The following BOP1 variants were observed in gnomAD, a reference collection of about 807,000 sequenced individuals.
The protein encoded by BOP1 is BOP1 ribosomal biogenesis factor.
Under a neutral mutation model 82.9 loss-of-function variants are expected in BOP1, and 54 were observed. That is an observed-to-expected ratio of 0.65 (90% CI 0.52 to 0.82). The LOEUF is 0.82. Among genes scored for constraint, BOP1 ranks in the 40% least tolerant of loss-of-function variants. The pLI, the probability that BOP1 is intolerant of heterozygous loss-of-function variation, is 0.00. For synonymous variants in BOP1, 566 were observed against 451.1 expected, an observed-to-expected ratio of 1.25 and a Z score of -3.23; for missense variants, 1,170 against 1,072.0, an observed-to-expected ratio of 1.09 and a Z score of -1.28.
Position 144,266,807 on chromosome 8 carries a change from G to C in BOP1, c.391-1736C>G. 3.5e-6 allele frequency: 4 copies of C among 1,153,096 alleles called. No homozygotes were observed. In the South Asian group the frequency reaches 1.6e-4, roughly 45 times the overall value. 71.4% of individuals were successfully genotyped at this position (1,153,096 alleles called of 1,614,324 possible). On this transcript the variant is annotated intron_variant, in intron 3 of 15. Transcript: ENST00000569669. ...GGGGGCCGGCGGGCCGGGGGCGGGG[G>C]GCCAGGGGGCCGGCCAGGCCGTGAG... is the stretch of plus-strand genomic sequence containing the variant.
At position 144,264,510 on chromosome 8, in the gene BOP1, C is replaced by G. The variant is rs1845311495; in HGVS notation, c.765+5G>C. ...AGGCCAAGCCCCAGGGGCTGTGTGC[C>G]CCACCTTCTCCTTCTCCACCAGGGA... On this transcript the variant is annotated splice_donor_5th_base_variant and intron_variant, in intron 6 of 15. Coordinates refer to ENST00000569669, the MANE Select transcript of BOP1 (RefSeq NM_015201.5). 1 of 1,609,430 alleles carries G rather than the reference C, an allele frequency of 6.2e-7. No homozygotes were observed. The highest frequency in any genetic ancestry group is 8.5e-7 in the Non-Finnish European group (1 of 1,178,858).
At chr8:144,285,852 G>A (rs1554839411) in intron 2 of BOP1, among the ~76,000 whole-genome samples, 1 of 152,260 alleles carries the variant, frequency 6.6e-6, no homozygotes, top group Non-Finnish European at 1.5e-5. Flanking sequence ...GGAGGTGGCG[G>A]AGATACAGGC....
At chr8:144,268,423 T>C (rs1031506704) in intron 3 of BOP1, 31 of 572,072 alleles carry the variant, frequency 5.4e-5, no homozygotes, top group African/African-American at 2.8e-4. Flanking sequence ...GTGTTTTTGA[T>C]ATGATAATAT....
At chr8:144,284,964 G>A (rs372907603) in intron 2 of BOP1, among the ~76,000 whole-genome samples, 14 of 152,172 alleles carry the variant, frequency 9.2e-5, no homozygotes, top group African/African-American at 3.1e-4. Context: ...ACCCCCAGCA[G>A]TCACCGGGCT....
intron 5 of BOP1, 23 bp from the exon 6 acceptor site, chr8:144,264,639 G>A (rs1845315276): frequency 6.4e-7 from 1 of 1,574,756 alleles, no homozygotes; most frequent in Non-Finnish European, 8.6e-7. Context: ...ATGTGGGCGT[G>A]TGGGCCAGAG....
At chr8:144,267,094 C>A in intron 3 of BOP1, 1 of 1,397,924 alleles carries the variant, frequency 7.2e-7, no homozygotes, top group Non-Finnish European at 9.2e-7. Flanking sequence ...CCCCCCGCCG[C>A]CGCCCCCGCC....
intron 3 of BOP1, chr8:144,266,525 G>A (rs1180344497): frequency 1.1e-5 from 11 of 990,400 alleles, no homozygotes; most frequent in African/African-American, 1.8e-5. Flanking sequence ...CCCGCGCCTC[G>A]CCCCGGCCGG....
chr8:144,268,493 A>C (rs919926727), intron 3 of BOP1: 164 of 401,414 alleles, frequency 4.1e-4, no homozygotes, highest in African/African-American at 2.7e-3. Flanking sequence ...ATGGAGGCCA[A>C]CTGTCCTCAT....
rs1218270024 is a variant in BOP1, at chr8:144,266,274, G to C, written c.391-1203C>G. 2.0e-5 allele frequency among the ~76,000 whole-genome samples: 3 copies of C among 152,098 alleles called. No individual in the cohort carries two copies. The East Asian group carries it at 5.8e-4, about 29-fold the overall frequency. The stretch of plus-strand genomic sequence containing the variant: ...CTCCCAGTTCCTCCGCATCCCCAGA[G>C]ACGGAACGATGCCCCCAAAGACCAG... On this transcript the variant is annotated intron_variant, in intron 3 of 15. Coordinates refer to ENST00000569669, the MANE Select transcript of BOP1 (RefSeq NM_015201.5).
chr8:144,276,819 A>G (rs1845574169), intron 2 of BOP1, among the ~76,000 whole-genome samples: 1 of 151,982 alleles, frequency 6.6e-6, no homozygotes, highest in Non-Finnish European at 1.5e-5. Context: ...GGGGACACAC[A>G]TTGTCCACCC....
Position 144,263,970 on chromosome 8 carries a change from C to A in BOP1, c.1140+11G>T. On this transcript the variant is annotated intron_variant, in intron 8 of 15. Coordinates refer to ENST00000569669, the MANE Select transcript of BOP1 (RefSeq NM_015201.5). ...CCTGTGCCACCCCCCTGGTGTGCCA[C>A]CCCCACACACCCTCATCTTGCGCTG... The A allele has an allele frequency of 6.2e-7, 1 of 1,610,662 alleles. No individual in the cohort carries two copies. The highest frequency in any genetic ancestry group is 1.1e-5 in the South Asian group (1 of 91,010).
At chr8:144,265,403 G>A (rs1040855364) in intron 3 of BOP1, 26 of 457,882 alleles carry the variant, frequency 5.7e-5, no homozygotes, top group East Asian at 1.2e-4. Flanking sequence ...CATCACCCAC[G>A]GGCTCCCTCC....
intron 3 of BOP1, among the ~76,000 whole-genome samples, chr8:144,270,655 C>T (rs1272952985): frequency 1.3e-5 from 2 of 152,212 alleles, no homozygotes; most frequent in South Asian, 2.1e-4. Flanking sequence ...CCGGGGGTGG[C>T]GTGGGCTGAC....
Position 144,262,140 on chromosome 8 carries a change from C to A in BOP1, c.*24G>T. The stretch of plus-strand genomic sequence containing the variant: ...GCTCTGTTGACTTCAGCACGACCAC[C>A]CCAGCCCCAGGCAGGCAGAACAGCT... On this transcript the variant is annotated 3_prime_UTR_variant, in exon 16 of 16. Transcript: ENST00000569669. The A allele has an allele frequency of 6.2e-7, 1 of 1,611,566 alleles. No individual in the cohort carries two copies. Among genetic ancestry groups the A allele is most frequent in the Middle Eastern group, 1.8e-4 (1 of 5,412 alleles).
intron 3 of BOP1, among the ~76,000 whole-genome samples, chr8:144,268,695 G>A (rs1216276336): frequency 2.0e-5 from 3 of 152,194 alleles, no homozygotes; most frequent in Non-Finnish European, 2.9e-5. Context: ...TCGGGAAGCT[G>A]TGGGGTGGGG....
At position 144,264,412 on chromosome 8, in the gene BOP1, T is replaced by C; in HGVS notation, c.791A>G (p.Lys264Arg). ...EKVSRMVHAI[K>R]MGWIQPRRPR... ...CCGGCGAGGCTGGATCCAGCCCATC[T>C]TGATGGCGTGCACCATGCGAGAGAC... Residue 264 changes from lysine to arginine, a missense_variant, in exon 7 of 16, where the codon AAG (lysine) becomes AGG (arginine). Coordinates refer to ENST00000569669, the MANE Select transcript of BOP1 (RefSeq NM_015201.5). 1 of 1,602,834 alleles carries C rather than the reference T, an allele frequency of 6.2e-7. No homozygotes were observed. The highest frequency in any genetic ancestry group is 8.5e-7 in the Non-Finnish European group (1 of 1,179,676).
intron 2 of BOP1, among the ~76,000 whole-genome samples, chr8:144,286,412 AGGGCCTCGGCCCCTC>A: frequency 7.1e-6 from 1 of 141,756 alleles, no homozygotes; most frequent in Non-Finnish European, 1.6e-5. Flanking sequence ...ACGGCAGGGC[AGGGCCTCGGCCCCTC>A]AGCTAAAGCA....
At chr8:144,285,493 A>G (rs1164630521) in intron 2 of BOP1, among the ~76,000 whole-genome samples, 1 of 152,186 alleles carries the variant, frequency 6.6e-6, no homozygotes, top group Non-Finnish European at 1.5e-5. Context: ...CTCGTCCTTC[A>G]GGGGCTGCCA....
intron 2 of BOP1, among the ~76,000 whole-genome samples, chr8:144,277,019 G>A (rs917379860): frequency 1.2e-4 from 18 of 152,264 alleles, no homozygotes; most frequent in Non-Finnish European, 1.8e-4. Flanking sequence ...TTCTGCCCTC[G>A]ACTGCGGAGG....
Sources: allele counts gnomAD v4.1 joint callset (sites outside exome capture counted in the v4.1 genomes callset), GRCh38; gene constraint gnomAD v4.1.1; transcripts MANE v1.5; gene names NCBI Gene and HGNC (gene_info 2026-07-23, HGNC 2026-07-21).